Variants in PFKFB3 observed in about 807,000 individuals in gnomAD.
PFKFB3 encodes 6-phosphofructo-2-kinase/fructose-2,6-biphosphatase 3.
Under a neutral mutation model 68.0 loss-of-function variants are expected in PFKFB3, and 33 were observed. The observed-to-expected ratio is 0.49, with a 90% confidence interval of 0.37 to 0.65. The LOEUF (loss-of-function observed/expected upper bound fraction) is 0.65. Ranked by LOEUF, PFKFB3 falls within the 30% of genes least tolerant of loss-of-function variation. The pLI, the probability that PFKFB3 is intolerant of heterozygous loss-of-function variation, is 0.00. For missense variants in PFKFB3, 586 were observed against 712.2 expected (o/e 0.82, Z 2.02); for synonymous variants, 315 against 288.2 (o/e 1.09, Z -0.94).
chr10:6,313,510 C>T, the PFKFB3 span, among the ~76,000 whole-genome samples: 1 of 152,220 alleles, frequency 6.6e-6, no homozygotes, highest in African/African-American at 2.4e-5. The surrounding 1 kb of genome is among the most constrained non-coding windows in gnomAD (Gnocchi z 4.2). Context: ...TAAGTTCCTG[C>T]TCCCACTTTG....
upstream of PFKFB3, among the ~76,000 whole-genome samples, chr10:6,199,996 C>T (rs1843284067): frequency 1.3e-5 from 2 of 151,690 alleles, no homozygotes; most frequent in Admixed American, 1.3e-4. Context: ...AGCTAGCTAT[C>T]TGCGTCCGTG....
At chr10:6,167,072 G>A (rs1393454085) in intron 1 of PFKFB3, among the ~76,000 whole-genome samples, 2 of 152,082 alleles carry the variant, frequency 1.3e-5, no homozygotes, top group East Asian at 1.9e-4. Flanking sequence ...GGCCCGCCTC[G>A]GCCTCCCAAA....
chr10:6,199,381 TG>T, upstream of PFKFB3, among the ~76,000 whole-genome samples: 1 of 152,102 alleles, frequency 6.6e-6, no homozygotes, highest in Non-Finnish European at 1.5e-5. Context: ...CACAGAAGTG[TG>T]GGAACAAAGG....
chr10:6,201,092 C>A (rs1488285891), upstream of PFKFB3, among the ~76,000 whole-genome samples: 1 of 152,076 alleles, frequency 6.6e-6, no homozygotes, highest in Non-Finnish European at 1.5e-5. The surrounding 1 kb of genome is among the most constrained non-coding windows in gnomAD (Gnocchi z 4.1). Flanking sequence ...CCAGGAACCG[C>A]GGGCGCTCTT....
At position 6,233,967 on chromosome 10, in the gene PFKFB3, G is replaced by GC. The variant is rs1299138098; in HGVS notation, c.*1027dup. 1 of 152,528 alleles carries GC rather than the reference G, an allele frequency of 6.6e-6. No individual in the cohort carries two copies. The highest frequency in any genetic ancestry group is 1.5e-5 in the Non-Finnish European group (1 of 68,136). The allele number at this position is 152,528 out of a possible 1,614,324, so 9.4% of individuals were successfully genotyped here. ...ACTCGCAGCCACTTCTTCAAGAGCT[G>GC]CCTGCACACTGTCTTGGAGCATCTG... On this transcript the variant is annotated 3_prime_UTR_variant, in exon 15 of 15. Transcript: ENST00000379775.
the PFKFB3 span, among the ~76,000 whole-genome samples, chr10:6,306,799 C>G: frequency 6.6e-6 from 1 of 152,170 alleles, no homozygotes; most frequent in Admixed American, 6.5e-5. Context: ...TTTCATGAGG[C>G]TCTTCCAGTA....
At chr10:6,149,142 G>A (rs1841494745) in intron 1 of PFKFB3, among the ~76,000 whole-genome samples, 1 of 152,144 alleles carries the variant, frequency 6.6e-6, no homozygotes, top group South Asian at 2.1e-4. Flanking sequence ...ATGGAGGCGT[G>A]GCTCTAAGAG....
At chr10:6,221,025 ATCTGTGTGCATC>A (rs1449864569) in intron 8 of PFKFB3, among the ~76,000 whole-genome samples, 160 bp downstream of exon 8, 1 of 115,986 alleles carries the variant, frequency 8.6e-6, no homozygotes, top group Non-Finnish European at 2.0e-5. Flanking sequence ...CTCTATGCAT[ATCTGTGTGCATC>A]TCTGTATGGC....
intron 14 of PFKFB3, among the ~76,000 whole-genome samples, chr10:6,227,740 C>T (rs2132024745): frequency 6.6e-6 from 1 of 152,298 alleles, no homozygotes; most frequent in South Asian, 2.1e-4. Context: ...CCTTCCCCTC[C>T]CAGGCCCTCA....
intron 6 of PFKFB3, among the ~76,000 whole-genome samples, chr10:6,218,761 C>T (rs951048652): frequency 6.6e-6 from 1 of 152,134 alleles, no homozygotes; most frequent in Non-Finnish European, 1.5e-5. Flanking sequence ...GTGTGCAGTA[C>T]AGCAGCAAAT....
intron 14 of PFKFB3, among the ~76,000 whole-genome samples, chr10:6,251,539 G>A (rs1846381015): frequency 6.6e-6 from 1 of 152,244 alleles, no homozygotes; most frequent in South Asian, 2.1e-4. Context: ...GCATTGGGAA[G>A]CCTCGCAAGA....
chr10:6,156,129 ATGTGTGTGTGTG>A (rs112267780), intron 1 of PFKFB3, among the ~76,000 whole-genome samples: 2 of 96,860 alleles, frequency 2.1e-5, no homozygotes, highest in East Asian at 4.9e-4. Context: ...GTACATATAT[ATGTGTGTGTGTG>A]TGTGTGTGTG....
At chr10:6,185,828 C>G (rs1024198986) in intron 1 of PFKFB3, among the ~76,000 whole-genome samples, 1 of 152,126 alleles carries the variant, frequency 6.6e-6, no homozygotes, top group East Asian at 1.9e-4. Context: ...TTAGTTGAGA[C>G]AGGGTTTCGC....
chr10:6,167,623 T>C (rs1321515777), intron 1 of PFKFB3, among the ~76,000 whole-genome samples: 1 of 152,228 alleles, frequency 6.6e-6, no homozygotes, highest in African/African-American at 2.4e-5. Context: ...CAGTTTCTTA[T>C]CAAGAACTCA....
rs150991791 is a variant in PFKFB3, at chr10:6,228,116, C to T, written c.1515+1751C>T. The T allele has an allele frequency of 7.6e-4, 1,142 of 1,506,892 alleles. 13 individuals carry two copies. The highest frequency in any genetic ancestry group is 6.6e-3 in the South Asian group (583 of 88,860). The allele number at this position is 1,506,892 out of a possible 1,614,324, so 93.3% of individuals were successfully genotyped here. A position where few individuals can be genotyped will look rare whatever the true frequency, so the allele number is the denominator to read the frequency against. On this transcript the variant is annotated intron_variant, in intron 14 of 14. Transcript: ENST00000379775. The surrounding 1 kb of genome is among the most constrained non-coding windows in gnomAD (Gnocchi z 4.5). ...CGTCTGAAGCTGCTGGCTGGGCCGG[C>T]GTGGGGTTTTTCAGGGCTTCGTCCC...
chr10:6,175,254 GT>G (rs1842429436), intron 1 of PFKFB3, among the ~76,000 whole-genome samples: 1 of 152,098 alleles, frequency 6.6e-6, no homozygotes. Context: ...CCAGAAAATT[GT>G]GAGATTGCAT....
chr10:6,164,644 C>T (rs1842075230), intron 1 of PFKFB3, among the ~76,000 whole-genome samples: 1 of 152,110 alleles, frequency 6.6e-6, no homozygotes, highest in Non-Finnish European at 1.5e-5. Context: ...TGAGTTCCCT[C>T]AGTATTGATC....
At chr10:6,161,207 A>T (rs1156365899) in intron 1 of PFKFB3, among the ~76,000 whole-genome samples, 1 of 152,178 alleles carries the variant, frequency 6.6e-6, no homozygotes, top group Non-Finnish European at 1.5e-5. Flanking sequence ...AAGTGCTGGA[A>T]TTACAGGTGT....
chr10:6,241,218 T>C (rs116851486), intron 14 of PFKFB3, among the ~76,000 whole-genome samples: 2,274 of 152,276 alleles, frequency 0.015, 129 homozygotes, highest in South Asian at 0.11. Context: ...GAATGTTCTT[T>C]AGTTTGGGTT....
Sources: allele counts gnomAD v4.1 joint callset (sites outside exome capture counted in the v4.1 genomes callset), GRCh38; gene constraint gnomAD v4.1.1; non-coding constraint Gnocchi (gnomAD v3.1); transcripts MANE v1.5; gene names NCBI Gene and HGNC (gene_info 2026-07-23, HGNC 2026-07-21).